The following PHF14 variants were observed in gnomAD, a reference collection of about 807,000 sequenced individuals.
PHF14 encodes the protein PHD finger protein 14.
In PHF14, 55 loss-of-function variants were observed where a neutral mutation model predicts 117.9. The observed-to-expected ratio is 0.47, with a 90% confidence interval of 0.38 to 0.58. The LOEUF (loss-of-function observed/expected upper bound fraction) is 0.58. Ranked by LOEUF, PHF14 falls within the 20% of genes least tolerant of loss-of-function variation. PHF14 has a pLI of 0.00. For synonymous variants in PHF14, 409 were observed against 368.6 expected, an observed-to-expected ratio of 1.11 and a Z score of -1.26; for missense variants, 978 against 1,122.2, an observed-to-expected ratio of 0.87 and a Z score of 1.84.
In PHF14 at chr7:11,130,456, A is replaced by AT. The variant is rs1788063707; in HGVS notation, c.2772+18996dup. ...TAATAGCTGCTAATATGTTCTCTTGATTTTTTTCTTTGCTTTTTTAAAAAT... is the reference window on the plus strand; with the variant it reads ...TAATAGCTGCTAATATGTTCTCTTGATTTTTTTTCTTTGCTTTTTTAAAAAT... On this transcript the variant is annotated intron_variant, in intron 17 of 17. Coordinates refer to ENST00000634607, the MANE Select transcript of PHF14 (RefSeq NM_001007157.2). The surrounding 1 kb of genome is among the most constrained non-coding windows in gnomAD (Gnocchi z 4.2). Among the ~76,000 whole-genome samples, 1 of 151,658 alleles carries AT rather than the reference A, an allele frequency of 6.6e-6. No individual in the cohort carries two copies.
chr7:11,040,512 A>G (rs1279516200), intron 11 of PHF14, among the ~76,000 whole-genome samples, 160 bp from the exon 12 acceptor site: 3 of 152,116 alleles, frequency 2.0e-5, no homozygotes, highest in Non-Finnish European at 4.4e-5. Flanking sequence ...CTATTAGAAA[A>G]AAGCTCATTT....
In PHF14 at chr7:11,049,457, T is replaced by A. The variant is rs145689587; in HGVS notation, c.2313-2155T>A. On this transcript the variant is annotated intron_variant, in intron 13 of 17. Coordinates refer to ENST00000634607, the MANE Select transcript of PHF14 (RefSeq NM_001007157.2). ...GCCACTGGACTCCAGCCTGGGCGAC[T>A]TAGCAAGACTGTCTCTCAAAAAAAA... is the stretch of plus-strand genomic sequence containing the variant. Among the ~76,000 whole-genome samples the A allele has an allele frequency of 9.6e-3, 1,388 of 144,490 alleles. 89 individuals carry two copies. Among genetic ancestry groups the A allele is most frequent in the Admixed American group, 0.086 (1,230 of 14,378 alleles). 94.8% of individuals were successfully genotyped at this position (144,490 alleles called of 152,430 possible). A position where few individuals can be genotyped will look rare whatever the true frequency, so the allele number is the denominator to read the frequency against.
At chr7:11,051,994 C>CA (rs1176681097) in intron 14 of PHF14, among the ~76,000 whole-genome samples, 2 of 152,044 alleles carry the variant, frequency 1.3e-5, no homozygotes, top group Non-Finnish European at 2.9e-5. Context: ...ATATAAGGAA[C>CA]ACACCAGAGC....
At chr7:11,082,903 T>C (rs1014699099) in intron 16 of PHF14, among the ~76,000 whole-genome samples, 1 of 152,170 alleles carries the variant, frequency 6.6e-6, no homozygotes, top group Non-Finnish European at 1.5e-5. Flanking sequence ...TTCTTCTCTT[T>C]TTCTTTCTTT....
At chr7:11,067,771 G>C (rs1253524498) in intron 16 of PHF14, among the ~76,000 whole-genome samples, 1 of 152,212 alleles carries the variant, frequency 6.6e-6, no homozygotes, top group East Asian at 1.9e-4. Flanking sequence ...CATGGTGAAA[G>C]GTAAAGGAGA....
intron 10 of PHF14, among the ~76,000 whole-genome samples, chr7:11,038,552 G>A (rs1454475318): frequency 6.6e-6 from 1 of 151,650 alleles, no homozygotes; most frequent in East Asian, 1.9e-4. Flanking sequence ...CACCTACTCG[G>A]GAAACTGCAG....
At chr7:11,041,705 A>C (rs1347709777) in intron 12 of PHF14, among the ~76,000 whole-genome samples, 1 of 151,952 alleles carries the variant, frequency 6.6e-6, no homozygotes, top group East Asian at 1.9e-4. Context: ...AGCTTTTTCA[A>C]ACACGGTTGG....
Position 11,111,373 on chromosome 7 carries a change from A to G in PHF14, c.2678A>G (p.Tyr893Cys). The G allele has an allele frequency of 6.2e-7, 1 of 1,601,640 alleles. No individual in the cohort carries two copies. The highest frequency in any genetic ancestry group is 8.5e-7 in the Non-Finnish European group (1 of 1,170,872). ...LVRCDECRLC[Y>C]HFGCLDPPLK... is the part of the protein sequence containing the mutation. ...AGGTGTGATGAATGCAGACTCTGCT[A>G]CCATTTTGGCTGTTTGGATCCTCCT... is the stretch of plus-strand genomic sequence containing the variant. Residue 893 changes from tyrosine (Y) to cysteine (C), a missense_variant, in exon 17 of 18, where the codon TAC (tyrosine) becomes TGC (cysteine). Transcript: ENST00000634607.
Position 10,974,231 on chromosome 7 carries a change from G to C in PHF14, c.-93G>C. ...GTTTTAAATAGCATCTTTCGGACTT[G>C]TCTTCGCGGCCCCAGTCCCCGACCT... On this transcript the variant is annotated 5_prime_UTR_variant, in exon 1 of 18. Transcript: ENST00000634607. The C allele has an allele frequency of 9.1e-7, 1 of 1,104,082 alleles. No homozygotes were observed. The highest frequency in any genetic ancestry group is 1.3e-6 in the Non-Finnish European group (1 of 745,388). The allele number at this position is 1,104,082 out of a possible 1,614,324, so 68.4% of individuals were successfully genotyped here. A position where few individuals can be genotyped will look rare whatever the true frequency, so the allele number is the denominator to read the frequency against.
chr7:11,069,369 C>T (rs1478961576), intron 16 of PHF14, among the ~76,000 whole-genome samples: 3 of 152,010 alleles, frequency 2.0e-5, no homozygotes, highest in Admixed American at 6.6e-5. Context: ...AGTACTGAGT[C>T]CGCATGGAGA....
chr7:11,165,030 T>A (rs1284483622), intron 17 of PHF14, among the ~76,000 whole-genome samples: 3 of 152,176 alleles, frequency 2.0e-5, no homozygotes, highest in African/African-American at 7.2e-5. Flanking sequence ...GTTCAAGCGA[T>A]TCTCCTGCCT....
chr7:11,098,273 A>G (rs1447134986), intron 16 of PHF14, among the ~76,000 whole-genome samples: 1 of 152,194 alleles, frequency 6.6e-6, no homozygotes, highest in Admixed American at 6.5e-5. Context: ...GTTTTCTATT[A>G]AAACATTTCT....
intron 4 of PHF14, among the ~76,000 whole-genome samples, chr7:10,993,716 A>G (rs1412541955): frequency 6.6e-6 from 1 of 152,156 alleles, no homozygotes; most frequent in Admixed American, 6.5e-5. Flanking sequence ...ATTTGTAAAA[A>G]TTGATAAGGG....
At chr7:11,153,686 A>G (rs567655240) in intron 17 of PHF14, among the ~76,000 whole-genome samples, 2 of 152,290 alleles carry the variant, frequency 1.3e-5, no homozygotes, top group African/African-American at 4.8e-5. Context: ...TTAAGAGGCC[A>G]ATATTGTCAT....
chr7:10,985,987 G>A (rs898126986), intron 3 of PHF14, among the ~76,000 whole-genome samples: 2 of 151,452 alleles, frequency 1.3e-5, no homozygotes, highest in East Asian at 3.9e-4. Flanking sequence ...TATTTTTTTT[G>A]AGACAGATTC....
chr7:10,988,815 AC>A (rs900556689), intron 3 of PHF14, among the ~76,000 whole-genome samples: 3 of 150,832 alleles, frequency 2.0e-5, no homozygotes, highest in African/African-American at 7.4e-5. Flanking sequence ...AATTCTTATA[AC>A]CTCCTGAAGT....
intron 17 of PHF14, among the ~76,000 whole-genome samples, chr7:11,131,825 C>T (rs1246989115): frequency 1.3e-5 from 2 of 151,470 alleles, no homozygotes; most frequent in Admixed American, 6.6e-5. Flanking sequence ...CCTACGTTCT[C>T]TCTCTGTCTC....
At position 10,990,808 on chromosome 7, in the gene PHF14, A is replaced by G. The variant is rs780065529; in HGVS notation, c.1006A>G (p.Ile336Val). The G allele has an allele frequency of 6.3e-7, 1 of 1,591,418 alleles. No homozygotes were observed. The highest frequency in any genetic ancestry group is 1.1e-5 in the South Asian group (1 of 87,330). The change falls in exon 4 of 18, where the codon ATA (isoleucine) becomes GTA (valine). Residue 336 changes from isoleucine to valine, a missense_variant. Ile to Val is a conservative substitution (Grantham distance 29, BLOSUM62 3). Transcript: ENST00000634607. The stretch of plus-strand genomic sequence containing the variant: ...AGATAATAGTGAGGACGCTGATGAA[A>G]TAATTCAGTGTGACAATTGTGGCAT... Reference protein sequence around the residue: ...LGDNSEDADEIIQCDNCGITV... With the variant: ...LGDNSEDADEVIQCDNCGITV...
At chr7:11,151,130 T>C (rs74926055) in intron 17 of PHF14, among the ~76,000 whole-genome samples, 1 of 152,314 alleles carries the variant, frequency 6.6e-6, no homozygotes, top group Non-Finnish European at 1.5e-5. Flanking sequence ...TGAGTAATTG[T>C]TGAACATGTA....
Sources: gnomAD v4.1 joint callset for allele counts (sites outside exome capture counted in the v4.1 genomes callset) on GRCh38, gnomAD v4.1.1 for gene constraint, Gnocchi (gnomAD v3.1) non-coding constraint, MANE v1.5 for transcripts, NCBI Gene and HGNC (gene_info 2026-07-23, HGNC 2026-07-21) for gene names.